The following PLXNC1 variants were observed in gnomAD, a reference collection of about 807,000 sequenced individuals.
PLXNC1 encodes the protein plexin C1.
Under a neutral mutation model 178.2 loss-of-function variants are expected in PLXNC1, and 75 were observed. The observed-to-expected ratio is 0.42, with a 90% CI of 0.35 to 0.51. The LOEUF (loss-of-function observed/expected upper bound fraction) is 0.51, where lower values mean the gene tolerates loss of function less well. PLXNC1 is among the 20% of genes least tolerant of loss of function. The pLI is 0.02. For synonymous variants in PLXNC1, 790 were observed against 779.9 expected, an observed-to-expected ratio of 1.01 and a Z score of -0.22; for missense variants, 1,503 against 1,984.4, an observed-to-expected ratio of 0.76 and a Z score of 4.61.
chr12:94,232,819 A>G (rs1198764723), intron 9 of PLXNC1, among the ~76,000 whole-genome samples: 2 of 152,210 alleles, frequency 1.3e-5, no homozygotes, highest in Non-Finnish European at 2.9e-5. Flanking sequence ...AAGCCTCACA[A>G]TGGACCTATT....
chr12:94,261,802 C>T (rs1024866136), intron 20 of PLXNC1, among the ~76,000 whole-genome samples: 17 of 152,220 alleles, frequency 1.1e-4, no homozygotes, highest in African/African-American at 4.1e-4. Flanking sequence ...TTAGATCCAA[C>T]AGCAGTGCTT....
In PLXNC1 at chr12:94,262,474, C is replaced by T. The variant is rs1029804679; in HGVS notation, c.3450+1634C>T. 1.7e-5 allele frequency: 17 copies of T among 984,948 alleles called. No individual in the cohort carries two copies. In the African/African-American group the frequency reaches 2.1e-4, roughly 12 times the overall value. The allele number at this position is 984,948 out of a possible 1,614,324, so 61.0% of individuals were successfully genotyped here. A position where few individuals can be genotyped will look rare whatever the true frequency, so the allele number is the denominator to read the frequency against. On this transcript the variant is annotated intron_variant, in intron 20 of 30. Coordinates refer to ENST00000258526, the MANE Select transcript of PLXNC1 (RefSeq NM_005761.3). ...TGAGATGTTCAGAAAATCTGGGCTG[C>T]GAGCCCAAACAGCCTCCTTGAGCAA...
rs1273165833 is a variant in PLXNC1, at chr12:94,267,427, T to C, written c.3597+2202T>C. Among the ~76,000 whole-genome samples, 4 of 152,258 alleles carry C rather than the reference T, an allele frequency of 2.6e-5. 1 individual carries two copies. The highest frequency in any genetic ancestry group is 5.9e-5 in the Non-Finnish European group (4 of 68,044). ...AACACTCGACTCATCATCATAATGTTACTTGATGCTGAAGGAATTCATGTC... is the reference window on the plus strand; with the variant it reads ...AACACTCGACTCATCATCATAATGTCACTTGATGCTGAAGGAATTCATGTC... On this transcript the variant is annotated intron_variant, in intron 21 of 30. Coordinates refer to ENST00000258526, the MANE Select transcript of PLXNC1 (RefSeq NM_005761.3).
At chr12:94,156,473 C>CTT (rs996626764) in intron 1 of PLXNC1, among the ~76,000 whole-genome samples, 5 of 98,846 alleles carry the variant, frequency 5.1e-5, no homozygotes, top group African/African-American at 1.4e-4. Flanking sequence ...TCCCCACTGT[C>CTT]TATCTTTTTT....
At chr12:94,253,211 G>GA (rs35584186) in intron 15 of PLXNC1, among the ~76,000 whole-genome samples, 3,436 of 41,962 alleles carry the variant, frequency 0.082, 983 homozygotes, top group Non-Finnish European at 0.13. Flanking sequence ...CTCCGTCTCA[G>GA]AAAAAAAAAA....
intron 26 of PLXNC1, among the ~76,000 whole-genome samples, chr12:94,298,385 T>G (rs973397252): frequency 1.3e-5 from 2 of 152,234 alleles, no homozygotes; most frequent in Non-Finnish European, 2.9e-5. Context: ...ATCCTCCCAG[T>G]TGACTAAACA....
intron 21 of PLXNC1, among the ~76,000 whole-genome samples, chr12:94,270,828 T>TA (rs996299397): frequency 6.6e-6 from 1 of 151,986 alleles, no homozygotes; most frequent in Non-Finnish European, 1.5e-5. Flanking sequence ...ACTCTTCTGT[T>TA]AGAGTAGCAG....
Position 94,254,778 on chromosome 12 carries a change from G to A in PLXNC1, c.2882-9G>A. 6.3e-7 allele frequency: 1 copy of A among 1,579,212 alleles called. No individual in the cohort carries two copies. The highest frequency in any genetic ancestry group is 8.6e-7 in the Non-Finnish European group (1 of 1,167,336). ...CATGTCCCTCTGATGCAGCATCTCT[G>A]TCTCTTAGCGGCCGTGGGGGTGACC... is the stretch of plus-strand genomic sequence containing the variant. On this transcript the variant is annotated splice_polypyrimidine_tract_variant and intron_variant, in intron 15 of 30. Transcript: ENST00000258526.
At chr12:94,301,083 G>A (rs1469735636) in intron 28 of PLXNC1, 26 bp downstream of exon 28, 2 of 1,609,342 alleles carry the variant, frequency 1.2e-6, no homozygotes, top group Non-Finnish European at 8.5e-7. Context: ...AGTATTTCTT[G>A]TATGCAGTCT....
chr12:94,260,317 T>C lies in PLXNC1; in HGVS notation c.3252-325T>C, dbSNP rs2136081068. ...AGGTGATCTGCCTGCTTTAGACTCC[T>C]AAAGTGCTGGGATTATAGGCGTGAA... On this transcript the variant is annotated intron_variant, in intron 19 of 30. Coordinates refer to ENST00000258526, the MANE Select transcript of PLXNC1 (RefSeq NM_005761.3). The surrounding 1 kb of genome is among the most constrained non-coding windows in gnomAD (Gnocchi z 4.4). Among the ~76,000 whole-genome samples, 1 of 152,192 alleles carries C rather than the reference T, an allele frequency of 6.6e-6. No individual in the cohort carries two copies. Among genetic ancestry groups the C allele is most frequent in the South Asian group, 2.1e-4 (1 of 4,820 alleles).
chr12:94,268,795 G>A (rs1056141379), intron 21 of PLXNC1, among the ~76,000 whole-genome samples: 5 of 151,794 alleles, frequency 3.3e-5, no homozygotes, highest in Admixed American at 6.6e-5. Flanking sequence ...GGTTTTCGCC[G>A]TGTTGGCTAG....
At chr12:94,270,329 C>T (rs921066581) in intron 21 of PLXNC1, among the ~76,000 whole-genome samples, 1 of 152,214 alleles carries the variant, frequency 6.6e-6, no homozygotes, top group Non-Finnish European at 1.5e-5. Flanking sequence ...TGCTTTCCTG[C>T]TACAGTGCAG....
chr12:94,299,714 C>T (rs999887454), intron 27 of PLXNC1, among the ~76,000 whole-genome samples: 10 of 152,138 alleles, frequency 6.6e-5, no homozygotes, highest in Admixed American at 2.6e-4. Flanking sequence ...AGCATGCCAC[C>T]GCACTCAGCT....
At chr12:94,285,496 C>T (rs753351848) in intron 23 of PLXNC1, among the ~76,000 whole-genome samples, 24 of 152,200 alleles carry the variant, frequency 1.6e-4, no homozygotes, top group Non-Finnish European at 2.9e-5. Context: ...GCCCCGTGCT[C>T]ACTCTCCTAT....
At chr12:94,262,794 T>G (rs1349318483) in intron 20 of PLXNC1, 1 of 984,192 alleles carries the variant, frequency 1.0e-6, no homozygotes, top group East Asian at 1.1e-4. Flanking sequence ...ACCAAGGATT[T>G]GTGGGTAAAA....
intron 4 of PLXNC1, among the ~76,000 whole-genome samples, chr12:94,199,545 A>G (rs1381058495): frequency 6.6e-6 from 1 of 152,110 alleles, no homozygotes; most frequent in Non-Finnish European, 1.5e-5. Context: ...GGTTACTGTG[A>G]ATGCTGGAAG....
chr12:94,300,283 G>T (rs1284545484), intron 27 of PLXNC1, among the ~76,000 whole-genome samples: 2 of 152,164 alleles, frequency 1.3e-5, no homozygotes, highest in Non-Finnish European at 2.9e-5. Context: ...ATCTGAGAAG[G>T]CCTCACAGAG....
chr12:94,168,761 C>T lies in PLXNC1; in HGVS notation c.1063-392C>T, dbSNP rs1041252816. The stretch of plus-strand genomic sequence containing the variant: ...TTGTGTTTAACCTCACAGAAGCCAA[C>T]GCCTAGCTAAAATGAATTGGCGGCA... On this transcript the variant is annotated intron_variant, in intron 1 of 30. Transcript: ENST00000258526. 4.6e-5 allele frequency among the ~76,000 whole-genome samples: 7 copies of T among 152,326 alleles called. No homozygotes were observed. In the South Asian group the frequency reaches 8.3e-4, roughly 18 times the overall value.
At chr12:94,291,322 A>C (rs1238544368) in intron 23 of PLXNC1, among the ~76,000 whole-genome samples, 1 of 151,756 alleles carries the variant, frequency 6.6e-6, no homozygotes, top group Non-Finnish European at 1.5e-5. Flanking sequence ...TGCACCCTTG[A>C]CCTCCCACGC....
Sources: gnomAD v4.1 joint callset for allele counts (sites outside exome capture counted in the v4.1 genomes callset) on GRCh38, gnomAD v4.1.1 for gene constraint, Gnocchi (gnomAD v3.1) non-coding constraint, MANE v1.5 for transcripts, NCBI Gene and HGNC (gene_info 2026-07-23, HGNC 2026-07-21) for gene names.